The following RGS6 variants were observed in gnomAD, a reference collection of about 807,000 sequenced individuals.
The protein encoded by RGS6 is regulator of G protein signaling 6.
RGS6 carries 30 observed loss-of-function variants against 78.5 expected under a neutral mutation model. The observed-to-expected ratio is 0.38, with a 90% confidence interval of 0.29 to 0.52. RGS6 has a LOEUF of 0.52. RGS6 is among the 20% of genes least tolerant of loss of function. RGS6 has a pLI of 0.85. For synonymous variants in RGS6, 206 were observed against 206.0 expected, an observed-to-expected ratio of 1.00 and a Z score of 0.00; for missense variants, 495 against 609.7, an observed-to-expected ratio of 0.81 and a Z score of 1.98.
intron 3 of RGS6, among the ~76,000 whole-genome samples, chr14:72,404,800 C>T (rs1397795210): frequency 6.6e-6 from 1 of 152,148 alleles, no homozygotes; most frequent in African/African-American, 2.4e-5. Flanking sequence ...AGTGGGGGTC[C>T]TCCTGCATCC....
chr14:72,113,962 T>A (rs2153555161), intron 2 of RGS6, among the ~76,000 whole-genome samples: 1 of 152,320 alleles, frequency 6.6e-6, no homozygotes, highest in South Asian at 2.1e-4. Flanking sequence ...CTGTTTAAAT[T>A]AGGCTATTAA....
At chr14:72,077,469 A>G (rs1470737691) in intron 2 of RGS6, among the ~76,000 whole-genome samples, 1 of 151,610 alleles carries the variant, frequency 6.6e-6, no homozygotes, top group African/African-American at 2.4e-5. Context: ...TTTCTATATT[A>G]TTTCTGGCTT....
At chr14:72,038,077 C>T (rs1447477320) in intron 2 of RGS6, among the ~76,000 whole-genome samples, 5 of 151,860 alleles carry the variant, frequency 3.3e-5, no homozygotes, top group African/African-American at 1.2e-4. Context: ...TCAAGCTATT[C>T]TCCTGCTTCA....
intron 2 of RGS6, among the ~76,000 whole-genome samples, chr14:72,288,277 T>C (rs1469955060): frequency 6.6e-6 from 1 of 152,202 alleles, no homozygotes; most frequent in Non-Finnish European, 1.5e-5. Context: ...ACTAGAAAAC[T>C]CAGTTCTTAC....
intron 2 of RGS6, among the ~76,000 whole-genome samples, chr14:72,330,609 A>G (rs2074790501): frequency 6.6e-6 from 1 of 152,236 alleles, no homozygotes; most frequent in South Asian, 2.1e-4. Context: ...TTAACTTTTC[A>G]TATTACCTCT....
intron 2 of RGS6, among the ~76,000 whole-genome samples, chr14:72,029,149 C>T (rs1023507233): frequency 1.3e-5 from 2 of 152,188 alleles, no homozygotes. Context: ...TAGCAGGAAC[C>T]AGTTTTTCTT....
At chr14:72,118,992 T>G (rs536070485) in intron 2 of RGS6, among the ~76,000 whole-genome samples, 8 of 152,312 alleles carry the variant, frequency 5.3e-5, no homozygotes, top group African/African-American at 1.9e-4. Context: ...TTTGCTTCAG[T>G]GCATGTTTTT....
chr14:72,468,777 G>A (rs1654315799), intron 7 of RGS6, among the ~76,000 whole-genome samples: 1 of 152,076 alleles, frequency 6.6e-6, no homozygotes, highest in African/African-American at 2.4e-5. Flanking sequence ...TGTCACAGTT[G>A]ATTGACATTT....
At chr14:72,054,258 G>A (rs2093494296) in intron 2 of RGS6, among the ~76,000 whole-genome samples, 1 of 108,100 alleles carries the variant, frequency 9.3e-6, no homozygotes, top group Non-Finnish European at 1.9e-5. Context: ...CTATTGTTTG[G>A]GAGGTTTTGT....
chr14:72,500,105 G>T (rs1451950597), intron 13 of RGS6, among the ~76,000 whole-genome samples: 1 of 152,230 alleles, frequency 6.6e-6, no homozygotes, highest in South Asian at 2.1e-4. Flanking sequence ...ATGTAATCAT[G>T]TAGGAAAATG....
rs562165498 is a variant in RGS6 at position 72,490,513 on chromosome 14, C to T, written c.855-4639C>T. 5.5e-4 allele frequency among the ~76,000 whole-genome samples: 84 copies of T among 152,240 alleles called. 1 individual carries two copies. The highest frequency in any genetic ancestry group is 1.3e-3 in the African/African-American group (55 of 41,534). On this transcript the variant is annotated intron_variant, in intron 12 of 17. Coordinates refer to ENST00000553525, the MANE Select transcript of RGS6 (RefSeq NM_001204424.2). The stretch of plus-strand genomic sequence containing the variant: ...ACAGAGGATGTGCCTCTAGTGTGCC[C>T]GTGGTTTCGCTTGTCTATTTTATAT...
At chr14:72,426,044 C>T (rs2094421941) in intron 3 of RGS6, among the ~76,000 whole-genome samples, 1 of 151,908 alleles carries the variant, frequency 6.6e-6, no homozygotes, top group Non-Finnish European at 1.5e-5. Flanking sequence ...ACTCTTTTAA[C>T]AAAAAAATTC....
chr14:72,506,624 TAAGG>T (rs2096803674), intron 13 of RGS6, among the ~76,000 whole-genome samples: 1 of 152,072 alleles, frequency 6.6e-6, no homozygotes, highest in South Asian at 2.1e-4. Flanking sequence ...ACTAGGAAAA[TAAGG>T]AAGAAATGTG....
intron 2 of RGS6, among the ~76,000 whole-genome samples, chr14:72,199,378 C>T (rs1378101356): frequency 6.6e-6 from 1 of 152,144 alleles, no homozygotes; most frequent in Non-Finnish European, 1.5e-5. Context: ...CACTTTGCAT[C>T]TAGTTGTGTT....
intron 2 of RGS6, among the ~76,000 whole-genome samples, chr14:71,997,391 A>T (rs950120765): frequency 5.3e-5 from 8 of 152,310 alleles, no homozygotes; most frequent in Non-Finnish European, 1.2e-4. Flanking sequence ...TTTGAGATAC[A>T]GGTTTGAACA....
chr14:72,267,328 C>A (rs116867634), intron 2 of RGS6, among the ~76,000 whole-genome samples: 8 of 145,622 alleles, frequency 5.5e-5, no homozygotes, highest in Non-Finnish European at 1.1e-4. Flanking sequence ...ATTATAATGA[C>A]ATGCAAATTT....
intron 13 of RGS6, among the ~76,000 whole-genome samples, chr14:72,501,951 G>A (rs1242816176): frequency 6.6e-6 from 1 of 152,214 alleles, no homozygotes; most frequent in African/African-American, 2.4e-5. Flanking sequence ...CGGAATATTA[G>A]TCAAGCTCCT....
chr14:72,541,592 T>C, intron 17 of RGS6: 1 of 1,535,712 alleles, frequency 6.5e-7, no homozygotes, highest in South Asian at 1.2e-5. Flanking sequence ...TTCTGGGACT[T>C]CCTTCACTCC....
rs759527358 is a variant in RGS6, at chr14:72,052,925, T to TTTTCTTTCTTTCTTTC, written c.84+88096_84+88111dup. Among the ~76,000 whole-genome samples the TTTTCTTTCTTTCTTTC allele has an allele frequency of 3.5e-3, 422 of 120,410 alleles. 41 individuals carry two copies. Among genetic ancestry groups the TTTTCTTTCTTTCTTTC allele is most frequent in the Non-Finnish European group, 5.3e-3 (283 of 53,554 alleles). The allele number at this position is 120,410 out of a possible 152,430, so 79.0% of individuals were successfully genotyped here. A position where few individuals can be genotyped will look rare whatever the true frequency, so the allele number is the denominator to read the frequency against. Reference sequence around the variant, plus strand: ...GCACATGTTCAGAGTTTCATTGTATTTTTCTTTCTTTCTTTCTTTCTTTCT... The same window carrying TTTTCTTTCTTTCTTTC: ...GCACATGTTCAGAGTTTCATTGTATTTTTCTTTCTTTCTTTCTTTCTTTCTTTCTTTCTTTCTTTCT... On this transcript the variant is annotated intron_variant, in intron 2 of 17. Transcript: ENST00000553525.
Sources: allele counts gnomAD v4.1 joint callset (sites outside exome capture counted in the v4.1 genomes callset), GRCh38; gene constraint gnomAD v4.1.1; transcripts MANE v1.5; gene names NCBI Gene and HGNC (gene_info 2026-07-23, HGNC 2026-07-21).